The following TPO variants were observed in gnomAD, a reference collection of about 807,000 sequenced individuals.
The protein encoded by TPO is thyroid microsomal antigen.
A neutral mutation model predicts 96.9 loss-of-function variants in TPO; 78 were observed. The ratio of observed to expected loss-of-function variants is 0.81; its 90% confidence interval spans 0.67 to 0.97. TPO has a LOEUF of 0.97. Among genes scored for constraint, TPO ranks in the 50% least tolerant of loss-of-function variants. TPO has a pLI of 0.00. For synonymous variants in TPO, 547 were observed against 538.0 expected (o/e 1.02, Z -0.23); for missense variants, 1,252 against 1,274.8 (o/e 0.98, Z 0.27).
At chr2:1,500,593 G>C (rs192907230) in intron 13 of TPO, among the ~76,000 whole-genome samples, 14 of 152,240 alleles carry the variant, frequency 9.2e-5, no homozygotes, top group Non-Finnish European at 1.9e-4. Context: ...CTGAATATTT[G>C]ATACAGAAAA....
In TPO at chr2:1,473,874, CA is replaced by C. The variant is rs1669663371; in HGVS notation, c.820-3211del. Among the ~76,000 whole-genome samples, 6 of 152,128 alleles carry C rather than the reference CA, an allele frequency of 3.9e-5. 1 individual carries two copies. The South Asian group carries it at 1.0e-3, about 26-fold the overall frequency. The stretch of plus-strand genomic sequence containing the variant: ...TTTATACTTATCCTCAGATCGAAGA[CA>C]TTTTTTAAAGAAATGTTATCAATTT... On this transcript the variant is annotated intron_variant, in intron 7 of 16. Transcript: ENST00000329066.
At chr2:1,452,161 T>C (rs1432037999) in intron 5 of TPO, among the ~76,000 whole-genome samples, 1 of 152,216 alleles carries the variant, frequency 6.6e-6, no homozygotes, top group Non-Finnish European at 1.5e-5. Flanking sequence ...TCAGTGTTCA[T>C]TGTTTTCTTC....
intron 7 of TPO, among the ~76,000 whole-genome samples, chr2:1,461,692 A>C (rs1668448580): frequency 6.6e-6 from 1 of 151,928 alleles, no homozygotes; most frequent in Non-Finnish European, 1.5e-5. Flanking sequence ...ACGCACACCC[A>C]CCCACACCCA....
At chr2:1,432,044 G>C (rs1665029180) in intron 3 of TPO, among the ~76,000 whole-genome samples, 2 of 152,264 alleles carry the variant, frequency 1.3e-5, no homozygotes, top group South Asian at 4.1e-4. Flanking sequence ...CACTTGGGCA[G>C]TGCTGGCCTC....
chr2:1,377,668 G>C (rs1331520921), intron 1 of TPO, among the ~76,000 whole-genome samples: 1 of 152,190 alleles, frequency 6.6e-6, no homozygotes, highest in Non-Finnish European at 1.5e-5. Flanking sequence ...TGTCCTCACA[G>C]GTTCTCCTGG....
intron 5 of TPO, among the ~76,000 whole-genome samples, chr2:1,436,627 C>G (rs1665603326): frequency 6.6e-6 from 1 of 152,212 alleles, no homozygotes; most frequent in Admixed American, 6.5e-5. Flanking sequence ...ACAGGTGACT[C>G]TTAACTTCCT....
intron 13 of TPO, among the ~76,000 whole-genome samples, chr2:1,502,211 G>C (rs372292398): frequency 6.6e-6 from 1 of 152,072 alleles, no homozygotes; most frequent in Non-Finnish European, 1.5e-5. Context: ...TCTGCATAAC[G>C]GGATGCAGGA....
intron 13 of TPO, among the ~76,000 whole-genome samples, chr2:1,502,223 G>A (rs28912989): frequency 0.011 from 1,661 of 152,160 alleles, 29 homozygotes; most frequent in Admixed American, 0.047. Context: ...GATGCAGGAG[G>A]GGCTGGTTCC....
At position 1,442,239 on chromosome 2, in the gene TPO, AC is replaced by A. The variant is rs571970239; in HGVS notation, c.482+5856del. On this transcript the variant is annotated intron_variant, in intron 5 of 16. Transcript: ENST00000329066. ...AATACAGATGGAGTAGGGGAGGGCTACTGAAGAAATGAAGCCTCTCAGCTAC... is the reference window on the plus strand; with the variant it reads ...AATACAGATGGAGTAGGGGAGGGCTATGAAGAAATGAAGCCTCTCAGCTAC... Among the ~76,000 whole-genome samples, 18 of 152,278 alleles carry A rather than the reference AC, an allele frequency of 1.2e-4. No homozygotes were observed. The East Asian group carries it at 3.5e-3, about 29-fold the overall frequency.
At chr2:1,464,128 A>T (rs775532730) in intron 7 of TPO, among the ~76,000 whole-genome samples, 1 of 152,182 alleles carries the variant, frequency 6.6e-6, no homozygotes, top group African/African-American at 2.4e-5. Flanking sequence ...GGTGTCACTT[A>T]TGAGTGAGAA....
chr2:1,407,649 A>AACACACAATAT (rs1260081167), intron 1 of TPO, among the ~76,000 whole-genome samples: 3 of 152,228 alleles, frequency 2.0e-5, no homozygotes, highest in African/African-American at 7.2e-5. Context: ...CAGTATTCTT[A>AACACACAATAT]ACACACAATA....
chr2:1,532,957 C>T (rs1424857202), intron 15 of TPO, among the ~76,000 whole-genome samples: 4 of 118,000 alleles, frequency 3.4e-5, no homozygotes, highest in African/African-American at 1.5e-4. Flanking sequence ...TCCTCAAATC[C>T]CCCCACTGTG....
chr2:1,378,313 G>A lies in TPO; in HGVS notation n.180+3911G>A, dbSNP rs1661754205. 2.0e-5 allele frequency among the ~76,000 whole-genome samples: 3 copies of A among 152,320 alleles called. No individual in the cohort carries two copies. The South Asian group carries it at 6.2e-4, about 32-fold the overall frequency. On this transcript the variant is annotated intron_variant and non_coding_transcript_variant, in intron 1 of 5. Transcript: ENST00000497517. The stretch of plus-strand genomic sequence containing the variant: ...TAACTACAGCCCATGGGCCAACCCT[G>A]GTTCCCTCTCCAGTTTCTGCAAGCC...
chr2:1,455,882 A>G (rs564415040), intron 6 of TPO, among the ~76,000 whole-genome samples, 194 bp from the exon 7 acceptor site: 223 of 152,332 alleles, frequency 1.5e-3, no homozygotes, highest in Middle Eastern at 0.01. Flanking sequence ...AAATCAAGGC[A>G]GGGATTCAAG....
rs747296289 is a variant in TPO, at chr2:1,496,010, C to A, written c.2028C>A (p.His676Gln). The A allele has an allele frequency of 4.5e-5, 73 of 1,612,902 alleles. No homozygotes were observed. The highest frequency in any genetic ancestry group is 8.0e-5 in the African/African-American group (6 of 74,910). The stretch of plus-strand genomic sequence containing the variant: ...GGAGGTTTTGGTGGGAGAACAGCCA[C>A]GTCTTCACGGATGCACAGAGGCGTG... ...DGDWFWWENS[H>Q]VFTDAQRREL... is the part of the protein sequence containing the mutation. The change falls in exon 12 of 17, where the codon CAC (histidine) becomes CAA (glutamine). Residue 676 changes from histidine (H) to glutamine (Q), a missense_variant. By Grantham distance (24) the His-to-Gln change is conservative. Transcript: ENST00000329066.
chr2:1,532,034 A>C (rs1678385042), intron 15 of TPO, among the ~76,000 whole-genome samples: 1 of 90,542 alleles, frequency 1.1e-5, no homozygotes, highest in African/African-American at 4.2e-5. Flanking sequence ...AAATCCCCTC[A>C]CTGTGTGCAA....
At chr2:1,504,548 G>A (rs1201084963) in intron 14 of TPO, among the ~76,000 whole-genome samples, 2 of 152,194 alleles carry the variant, frequency 1.3e-5, no homozygotes, top group Non-Finnish European at 1.5e-5. Context: ...ATGGGGCCTG[G>A]GTGCTCAACA....
chr2:1,443,213 A>G (rs1250417193), intron 5 of TPO, among the ~76,000 whole-genome samples: 1 of 152,184 alleles, frequency 6.6e-6, no homozygotes, highest in African/African-American at 2.4e-5. Context: ...CGCAGGAGGT[A>G]CCGTGTTTGA....
chr2:1,423,819 AATT>A (rs1664039434), intron 3 of TPO, among the ~76,000 whole-genome samples: 1 of 152,198 alleles, frequency 6.6e-6, no homozygotes, highest in African/African-American at 2.4e-5. Flanking sequence ...GCTGCAAACA[AATT>A]ATTATTTATT....
Sources: allele counts gnomAD v4.1 joint callset (sites outside exome capture counted in the v4.1 genomes callset), GRCh38; gene constraint gnomAD v4.1.1; transcripts MANE v1.5; gene names NCBI Gene and HGNC (gene_info 2026-07-23, HGNC 2026-07-21).